PPP4R1: variants seen among roughly 807,000 people sequenced by gnomAD.
The protein encoded by PPP4R1 is serine/threonine-protein phosphatase 4 regulatory subunit 1.
Under a neutral mutation model 111.2 loss-of-function variants are expected in PPP4R1, and 42 were observed. The observed-to-expected ratio is 0.38, with a 90% CI of 0.29 to 0.49. The LOEUF (loss-of-function observed/expected upper bound fraction) is 0.49, where lower values mean the gene tolerates loss of function less well. Among genes scored for constraint, PPP4R1 ranks in the 20% least tolerant of loss-of-function variants. PPP4R1 has a pLI of 0.97. For missense variants in PPP4R1, 1,012 were observed against 1,161.6 expected, an observed-to-expected ratio of 0.87 and a Z score of 1.87; for synonymous variants, 409 against 405.5, an observed-to-expected ratio of 1.01 and a Z score of -0.10.
chr18:9,584,108 T>A (rs1175409449), intron 8 of PPP4R1, among the ~76,000 whole-genome samples: 1 of 152,228 alleles, frequency 6.6e-6, no homozygotes, highest in Non-Finnish European at 1.5e-5. Context: ...GCATAAGAGA[T>A]GGCTTCAGAA....
intron 16 of PPP4R1, among the ~76,000 whole-genome samples, chr18:9,552,098 A>G (rs1367569610): frequency 6.6e-6 from 1 of 152,232 alleles, no homozygotes; most frequent in Non-Finnish European, 1.5e-5. Flanking sequence ...ACTGAAAGAC[A>G]AACTGTCAGC....
At chr18:9,555,844 GA>G (rs1283109387) in intron 15 of PPP4R1, among the ~76,000 whole-genome samples, 1 of 152,040 alleles carries the variant, frequency 6.6e-6, no homozygotes, top group Non-Finnish European at 1.5e-5. Flanking sequence ...GGGACAATCA[GA>G]AAAATTTTAG....
intron 10 of PPP4R1, among the ~76,000 whole-genome samples, chr18:9,571,890 A>T (rs1255172013): frequency 1.3e-5 from 2 of 152,240 alleles, no homozygotes; most frequent in Admixed American, 1.3e-4. Flanking sequence ...AATTGTTAAT[A>T]GATCTGTTGT....
At chr18:9,581,685 C>A (rs1361755929) in intron 9 of PPP4R1, among the ~76,000 whole-genome samples, 1 of 152,016 alleles carries the variant, frequency 6.6e-6, no homozygotes, top group African/African-American at 2.4e-5. Flanking sequence ...ACTTTTCAAA[C>A]GTATTGAAAA....
Position 9,547,276 on chromosome 18 carries a change from A to G in PPP4R1, c.*513T>C, listed in dbSNP as rs1251800742. On this transcript the variant is annotated 3_prime_UTR_variant, in exon 20 of 20. Transcript: ENST00000400556. ...TTCCCATTTGCACACGTCACAAACG[A>G]TTCACACACAGGGCTGGGCTGGACA... The G allele has an allele frequency of 1.3e-5, 2 of 155,640 alleles. No individual in the cohort carries two copies. The highest frequency in any genetic ancestry group is 4.8e-5 in the African/African-American group (2 of 41,462). The allele number at this position is 155,640 out of a possible 1,614,324, so 9.6% of individuals were successfully genotyped here. A position where few individuals can be genotyped will look rare whatever the true frequency, so the allele number is the denominator to read the frequency against.
rs531065565 is a variant in PPP4R1 at position 9,546,882 on chromosome 18, A to G, written c.*907T>C. On this transcript the variant is annotated 3_prime_UTR_variant, in exon 20 of 20. Coordinates refer to ENST00000400556, the MANE Select transcript of PPP4R1 (RefSeq NM_001042388.3). ...TTGCATTTATTGGTAGACATCTAGAAAACAATCAAAAGTGTATATATCTCT... is the reference window on the plus strand; with the variant it reads ...TTGCATTTATTGGTAGACATCTAGAGAACAATCAAAAGTGTATATATCTCT... 2 of 152,350 alleles carry G rather than the reference A, an allele frequency of 1.3e-5. No homozygotes were observed. The highest frequency in any genetic ancestry group is 2.1e-4 in the South Asian group (1 of 4,824). The allele number at this position is 152,350 out of a possible 1,614,324, so 9.4% of individuals were successfully genotyped here.
intron 13 of PPP4R1, among the ~76,000 whole-genome samples, chr18:9,560,010 C>T (rs6506675): frequency 0.016 from 2,447 of 152,168 alleles, 57 homozygotes; most frequent in African/African-American, 0.056. Context: ...AAAACAAAAA[C>T]CAGCCAGGCA....
chr18:9,592,534 C>G (rs1421889065), intron 4 of PPP4R1, among the ~76,000 whole-genome samples: 1 of 152,190 alleles, frequency 6.6e-6, no homozygotes, highest in Non-Finnish European at 1.5e-5. Context: ...TTAATAACTG[C>G]TCTAGCATTT....
Position 9,550,139 on chromosome 18 carries a change from G to A in PPP4R1, c.2460C>T (p.Phe820=), listed in dbSNP as rs367918961. The A allele has an allele frequency of 1.9e-5, 31 of 1,614,084 alleles. No individual in the cohort carries two copies. The highest frequency in any genetic ancestry group is 1.5e-4 in the African/African-American group (11 of 74,926). Residue 820 remains phenylalanine, a synonymous_variant, in exon 18 of 20, where the codon TTC becomes TTT. Transcript: ENST00000400556. ...KKLHAATPPT[F]GVDLINELVE... ...CAAGCTCATTGATGAGGTCCACTCCGAACGTTGGTGGTGTTGCCGCGTGCA... is the reference window on the plus strand; with the variant it reads ...CAAGCTCATTGATGAGGTCCACTCCAAACGTTGGTGGTGTTGCCGCGTGCA...
At position 9,572,251 on chromosome 18, in the gene PPP4R1, G is replaced by T. The variant is rs543020874; in HGVS notation, c.1047-1568C>A. Reference sequence around the variant, plus strand: ...AGAAAGATGTGTGGGGCTGACATATGCGGAGGCAACAAGTATTAATAAAGA... The same window carrying T: ...AGAAAGATGTGTGGGGCTGACATATTCGGAGGCAACAAGTATTAATAAAGA... On this transcript the variant is annotated intron_variant, in intron 10 of 19. Coordinates refer to ENST00000400556, the MANE Select transcript of PPP4R1 (RefSeq NM_001042388.3). Among the ~76,000 whole-genome samples the T allele has an allele frequency of 1.5e-4, 23 of 152,278 alleles. 1 individual carries two copies. In the South Asian group the frequency reaches 4.8e-3, roughly 32 times the overall value.
intron 2 of PPP4R1, among the ~76,000 whole-genome samples, chr18:9,610,619 C>T (rs552396966): frequency 1.4e-5 from 2 of 147,026 alleles, no homozygotes; most frequent in Admixed American, 1.3e-4. Flanking sequence ...CACGCCACCA[C>T]GCCCAGTTAA....
At chr18:9,559,666 C>T (rs2066642280) in intron 13 of PPP4R1, 62 bp from the exon 14 acceptor site, 1 of 1,308,364 alleles carries the variant, frequency 7.6e-7, no homozygotes. Context: ...GCAGTTTAGA[C>T]ATAAATTGGG....
intron 6 of PPP4R1, among the ~76,000 whole-genome samples, chr18:9,585,093 T>C (rs2067094874): frequency 6.6e-6 from 1 of 152,100 alleles, no homozygotes; most frequent in South Asian, 2.1e-4. Context: ...ATCCTAACAA[T>C]TTCATTTTTG....
intron 2 of PPP4R1, among the ~76,000 whole-genome samples, chr18:9,607,297 G>A (rs2067496806): frequency 1.3e-5 from 2 of 151,496 alleles, no homozygotes; most frequent in Admixed American, 6.6e-5. Context: ...GGAAGCAGAC[G>A]TTGCAGTGAG....
At chr18:9,604,243 T>G (rs2067440705) in intron 2 of PPP4R1, among the ~76,000 whole-genome samples, 1 of 152,194 alleles carries the variant, frequency 6.6e-6, no homozygotes, top group Non-Finnish European at 1.5e-5. Flanking sequence ...TAGACTGTTA[T>G]TAACATAATT....
At chr18:9,572,263 A>G (rs2066874454) in intron 10 of PPP4R1, among the ~76,000 whole-genome samples, 1 of 152,216 alleles carries the variant, frequency 6.6e-6, no homozygotes, top group African/African-American at 2.4e-5. Flanking sequence ...GGAGGCAACA[A>G]GTATTAATAA....
intron 8 of PPP4R1, 99 bp downstream of exon 8, chr18:9,584,416 A>T: frequency 9.9e-7 from 1 of 1,005,062 alleles, no homozygotes; most frequent in Non-Finnish European, 1.4e-6. Context: ...TATTCATGGA[A>T]TTGTGTTAAT....
chr18:9,593,379 T>C (rs1323020442), intron 4 of PPP4R1, among the ~76,000 whole-genome samples: 1 of 152,112 alleles, frequency 6.6e-6, no homozygotes, highest in South Asian at 2.1e-4. Context: ...TTAATCAACA[T>C]TTTTTTGCAA....
chr18:9,552,432 G>A (rs1042263409), intron 16 of PPP4R1, among the ~76,000 whole-genome samples: 6 of 152,116 alleles, frequency 3.9e-5, no homozygotes, highest in East Asian at 1.9e-4. Context: ...TATCCGATAC[G>A]TATTGCAACA....
Sources: gnomAD v4.1 joint callset for allele counts (sites outside exome capture counted in the v4.1 genomes callset) on GRCh38, gnomAD v4.1.1 for gene constraint, MANE v1.5 for transcripts, NCBI Gene and HGNC (gene_info 2026-07-23, HGNC 2026-07-21) for gene names.